Variants in AQP7B observed in about 807,000 individuals in gnomAD.
AQP7B encodes the protein aquaporin 7B, also known as putative aquaporin-7B.
At chr2:94,590,061 G>C in the AQP7B span, among the ~76,000 whole-genome samples, 2 of 152,134 alleles carry the variant, frequency 1.3e-5, no homozygotes, top group East Asian at 3.9e-4. Context: ...CCAGTCCCAG[G>C]CTGCTTCTCT....
the AQP7B span, chr2:94,604,267 G>T: frequency 1.3e-6 from 2 of 1,579,652 alleles, no homozygotes; most frequent in South Asian, 1.2e-5. Flanking sequence ...CCCTCAGCAG[G>T]CCTCTGCCTC....
the AQP7B span, among the ~76,000 whole-genome samples, chr2:94,597,614 T>G: frequency 2.7e-5 from 4 of 147,036 alleles, no homozygotes; most frequent in Admixed American, 1.4e-4. Flanking sequence ...TCTTTTTTGT[T>G]TTTTTTTTTT....
the AQP7B span, among the ~76,000 whole-genome samples, chr2:94,589,638 G>A: frequency 3.9e-5 from 6 of 152,076 alleles, no homozygotes; most frequent in Admixed American, 6.5e-5. Context: ...ATACTTGGAC[G>A]GAGAGAATGA....
the AQP7B span, chr2:94,603,808 A>G: frequency 6.6e-7 from 1 of 1,516,276 alleles, no homozygotes; most frequent in Non-Finnish European, 9.1e-7. Flanking sequence ...GGTGATAAGC[A>G]TCCTCGTGGT....
the AQP7B span, among the ~76,000 whole-genome samples, chr2:94,600,765 A>G: frequency 2.9e-4 from 44 of 152,122 alleles, no homozygotes; most frequent in East Asian, 8.1e-3. Context: ...TACAATCTCA[A>G]CTACTCGGGA....
At chr2:94,598,191 G>A in the AQP7B span, among the ~76,000 whole-genome samples, 2 of 152,176 alleles carry the variant, frequency 1.3e-5, no homozygotes, top group African/African-American at 4.8e-5. Flanking sequence ...TAGTTGCCAG[G>A]CTGTGCCAAG....
chr2:94,604,043 T>A, the AQP7B span: 1 of 738,406 alleles, frequency 1.4e-6, no homozygotes, highest in Admixed American at 2.7e-5. Context: ...AGCCCCCAGG[T>A]GGCCTGGGGA....
chr2:94,601,905 C>G, the AQP7B span, among the ~76,000 whole-genome samples: 1 of 151,972 alleles, frequency 6.6e-6, no homozygotes, highest in African/African-American at 2.4e-5. Context: ...ATCTGAGGAG[C>G]CGTGAGGGAT....
chr2:94,598,004 T>C, the AQP7B span, among the ~76,000 whole-genome samples: 5 of 152,194 alleles, frequency 3.3e-5, no homozygotes, highest in South Asian at 2.1e-4. Context: ...CCAGCCAGGG[T>C]AAGGTCCTCA....
the AQP7B span, chr2:94,603,625 T>A: frequency 7.6e-7 from 1 of 1,315,036 alleles, no homozygotes; most frequent in East Asian, 2.5e-5. Context: ...GACGTCTCTC[T>A]GCTGGTGGGC....
chr2:94,597,260 G>A, the AQP7B span, among the ~76,000 whole-genome samples: 1 of 152,142 alleles, frequency 6.6e-6, no homozygotes, highest in African/African-American at 2.4e-5. Context: ...AGACATTCCA[G>A]CCCCATGAGG....
chr2:94,594,684 G>C, the AQP7B span: 8 of 1,174,924 alleles, frequency 6.8e-6, no homozygotes, highest in South Asian at 1.0e-4. Context: ...TTGAAGAGCC[G>C]ATGGGCAGCA....
chr2:94,594,164 G>T, the AQP7B span, among the ~76,000 whole-genome samples: 1 of 152,156 alleles, frequency 6.6e-6, no homozygotes, highest in Non-Finnish European at 1.5e-5. Context: ...GCACTGACCT[G>T]GTTGCACAGC....
At chr2:94,596,044 G>C in the AQP7B span, among the ~76,000 whole-genome samples, 4 of 152,236 alleles carry the variant, frequency 2.6e-5, no homozygotes, top group African/African-American at 9.6e-5. Context: ...AACGGTCAGA[G>C]AGGTGTGAGG....
the AQP7B span, chr2:94,603,657 T>C: frequency 1.2e-3 from 1,545 of 1,319,214 alleles, 19 homozygotes; most frequent in African/African-American, 0.019. Flanking sequence ...CCACTGCCGA[T>C]GTCCTGTGGC....
At chr2:94,590,057 C>T in the AQP7B span, among the ~76,000 whole-genome samples, 2 of 152,222 alleles carry the variant, frequency 1.3e-5, no homozygotes, top group South Asian at 4.1e-4. Flanking sequence ...TCCCCCAGTC[C>T]CAGGCTGCTT....
chr2:94,591,584 C>T, the AQP7B span, among the ~76,000 whole-genome samples: 1 of 152,154 alleles, frequency 6.6e-6, no homozygotes, highest in Admixed American at 6.5e-5. Flanking sequence ...TGGCCCATGG[C>T]CCTCTGGTAG....
At chr2:94,594,770 C>T in the AQP7B span, 2 of 1,581,530 alleles carry the variant, frequency 1.3e-6, no homozygotes, top group Non-Finnish European at 1.7e-6. Context: ...AAAATGGTCT[C>T]CTGGTCCGTG....
the AQP7B span, among the ~76,000 whole-genome samples, chr2:94,587,888 T>C: frequency 6.6e-6 from 1 of 150,842 alleles, no homozygotes; most frequent in South Asian, 2.1e-4. Context: ...GAGATAAGAG[T>C]CTGTGCTGGA....
Sources: allele counts gnomAD v4.1 joint callset (sites outside exome capture counted in the v4.1 genomes callset), GRCh38; gene constraint gnomAD v4.1.1; transcripts MANE v1.5; gene names NCBI Gene and HGNC (gene_info 2026-07-23, HGNC 2026-07-21).